The following RANBP2 variants were observed in gnomAD, a reference collection of about 807,000 sequenced individuals.
The protein encoded by RANBP2 is RAN binding protein 2.
Under a neutral mutation model 303.6 loss-of-function variants are expected in RANBP2, and 57 were observed. That is an observed-to-expected ratio of 0.19 (90% confidence interval 0.15 to 0.23). The LOEUF is 0.23. Among genes scored for constraint, RANBP2 ranks in the 10% least tolerant of loss-of-function variants. RANBP2 has a pLI of 1.00. For missense variants in RANBP2, 3,138 were observed against 3,780.8 expected (o/e 0.83, Z 4.46); for synonymous variants, 1,167 against 1,301.5 (o/e 0.90, Z 2.23).
At chr2:109,553,305 G>GATTAC in the RANBP2 span, 1 of 1,417,616 alleles carries the variant, frequency 7.1e-7, no homozygotes, top group Non-Finnish European at 9.6e-7. Context: ...AACACTTTGG[G>GATTAC]AGGCCGAGGC....
chr2:109,724,164 A>G, the RANBP2 span, among the ~76,000 whole-genome samples: 1 of 152,208 alleles, frequency 6.6e-6, no homozygotes, highest in Non-Finnish European at 1.5e-5. Context: ...TGTTTTGGTT[A>G]CTATAGCCTT....
the RANBP2 span, among the ~76,000 whole-genome samples, chr2:108,828,462 A>G: frequency 6.6e-6 from 1 of 152,256 alleles, no homozygotes; most frequent in South Asian, 2.1e-4. Context: ...AAAACTTAGT[A>G]CAAAGCTATA....
chr2:109,284,802 C>T, the RANBP2 span, among the ~76,000 whole-genome samples: 7 of 151,808 alleles, frequency 4.6e-5, no homozygotes, highest in Non-Finnish European at 1.0e-4. Context: ...TGTGTGGCCT[C>T]GTGTCAGATG....
the RANBP2 span, among the ~76,000 whole-genome samples, chr2:109,574,265 T>C: frequency 2.5e-3 from 367 of 149,086 alleles, 1 homozygote; most frequent in Non-Finnish European, 4.4e-3. Flanking sequence ...TACCAAGACA[T>C]CCAACTCCAC....
the RANBP2 span, among the ~76,000 whole-genome samples, chr2:109,140,855 C>T: frequency 6.6e-6 from 1 of 152,218 alleles, no homozygotes; most frequent in Non-Finnish European, 1.5e-5. Flanking sequence ...AACACCTACA[C>T]AGTCTGGCCC....
intron 17 of RANBP2, 61 bp from the exon 18 acceptor site, chr2:108,758,352 C>G (rs2149253722): frequency 6.2e-7 from 1 of 1,603,650 alleles, no homozygotes; most frequent in South Asian, 1.1e-5. Flanking sequence ...TTCCCCAGCA[C>G]TGTTTCTGTC....
At chr2:109,371,882 G>A in the RANBP2 span, among the ~76,000 whole-genome samples, 2 of 152,186 alleles carry the variant, frequency 1.3e-5, no homozygotes, top group South Asian at 2.1e-4. Flanking sequence ...GGCCAGTTTT[G>A]AGTGGCTGGT....
chr2:109,777,329 AATAT>A, the RANBP2 span, among the ~76,000 whole-genome samples: 4 of 148,114 alleles, frequency 2.7e-5, 1 homozygote, highest in South Asian at 8.8e-4. Flanking sequence ...TTAATACTTT[AATAT>A]ACTTTAATAG....
chr2:109,047,856 A>G, the RANBP2 span, among the ~76,000 whole-genome samples: 1 of 152,236 alleles, frequency 6.6e-6, no homozygotes, highest in Non-Finnish European at 1.5e-5. Context: ...CTTTACCTCA[A>G]ATCACATAGT....
chr2:108,823,329 C>T, the RANBP2 span, among the ~76,000 whole-genome samples: 192 of 152,272 alleles, frequency 1.3e-3, no homozygotes, highest in African/African-American at 4.4e-3. Context: ...TAGACAAAGA[C>T]GCAATAAAAA....
chr2:109,219,948 C>A, the RANBP2 span, among the ~76,000 whole-genome samples: 8 of 152,288 alleles, frequency 5.3e-5, no homozygotes, highest in African/African-American at 1.9e-4. Context: ...TATGGAATCT[C>A]AAGGGACCCC....
At chr2:108,805,098 T>G in the RANBP2 span, 2 of 618,404 alleles carry the variant, frequency 3.2e-6, no homozygotes, top group African/African-American at 3.8e-5. Flanking sequence ...TAGAACACGT[T>G]TCAGCTAGAG....
the RANBP2 span, among the ~76,000 whole-genome samples, chr2:109,082,624 T>G: frequency 6.6e-6 from 1 of 151,766 alleles, no homozygotes; most frequent in Non-Finnish European, 1.5e-5. Context: ...AAACAAAAAG[T>G]TTTTATCATG....
chr2:109,027,758 G>A, the RANBP2 span, among the ~76,000 whole-genome samples: 2 of 152,004 alleles, frequency 1.3e-5, no homozygotes, highest in Non-Finnish European at 2.9e-5. Context: ...AGGAGTGGGC[G>A]GGGTGGGTGG....
the RANBP2 span, among the ~76,000 whole-genome samples, chr2:109,393,170 A>G: frequency 6.6e-6 from 1 of 152,234 alleles, no homozygotes; most frequent in Non-Finnish European, 1.5e-5. Flanking sequence ...TAAGGCCAGC[A>G]ACCAGCCTTG....
chr2:109,462,541 C>T, the RANBP2 span, among the ~76,000 whole-genome samples: 1 of 152,232 alleles, frequency 6.6e-6, no homozygotes, highest in Admixed American at 6.5e-5. Flanking sequence ...AGAATCACCA[C>T]CCCTGTATCC....
chr2:109,462,172 T>C, the RANBP2 span, among the ~76,000 whole-genome samples: 3 of 149,854 alleles, frequency 2.0e-5, no homozygotes, highest in Admixed American at 6.7e-5. Flanking sequence ...GCCATCAATG[T>C]CATGGGCCAT....
At chr2:109,417,041 G>C in the RANBP2 span, among the ~76,000 whole-genome samples, 2 of 152,228 alleles carry the variant, frequency 1.3e-5, no homozygotes, top group Non-Finnish European at 2.9e-5. Flanking sequence ...GAGTGTCAGT[G>C]TGTCGAGCCT....
chr2:109,387,160 A>G, the RANBP2 span, among the ~76,000 whole-genome samples: 2 of 152,220 alleles, frequency 1.3e-5, no homozygotes, highest in Non-Finnish European at 2.9e-5. Flanking sequence ...AAATTTACAT[A>G]TATTTTGGAC....
Sources: gnomAD v4.1 joint callset for allele counts (sites outside exome capture counted in the v4.1 genomes callset) on GRCh38, gnomAD v4.1.1 for gene constraint, MANE v1.5 for transcripts, NCBI Gene and HGNC (gene_info 2026-07-23, HGNC 2026-07-21) for gene names.